Variants in PTPRM observed in about 807,000 individuals in gnomAD.
PTPRM encodes receptor-type tyrosine-protein phosphatase mu.
PTPRM carries 47 observed loss-of-function variants against 186.7 expected under a neutral mutation model. That is an observed-to-expected ratio of 0.25 (90% CI 0.20 to 0.32). PTPRM has a LOEUF of 0.32. Among genes scored for constraint, PTPRM ranks in the 10% least tolerant of loss-of-function variants. The pLI is 1.00. For synonymous variants in PTPRM, 668 were observed against 674.9 expected (o/e 0.99, Z 0.16); for missense variants, 1,494 against 1,865.0 (o/e 0.80, Z 3.66).
At position 8,140,634 on chromosome 18, in the gene PTPRM, T is replaced by C. The variant is rs556718198; in HGVS notation, c.2168-3013T>C. On this transcript the variant is annotated intron_variant, in intron 13 of 32. Transcript: ENST00000580170. The stretch of plus-strand genomic sequence containing the variant: ...CTCTATGATTTTAGCAGTCTCTTAA[T>C]CTCCCTGTAATATTTAGCTTATTCA... Among the ~76,000 whole-genome samples the C allele has an allele frequency of 2.6e-4, 39 of 152,128 alleles. No individual in the cohort carries two copies. The South Asian group carries it at 4.8e-3, about 19-fold the overall frequency.
intron 4 of PTPRM, among the ~76,000 whole-genome samples, chr18:7,923,021 G>T (rs961658029): frequency 6.6e-6 from 1 of 152,080 alleles, no homozygotes; most frequent in South Asian, 2.1e-4. Flanking sequence ...TGCTTTCTGG[G>T]TGCCAATAGC....
At chr18:8,394,353 C>T in intron 31 of PTPRM, 123 bp from the exon 32 acceptor site, 1 of 1,116,558 alleles carries the variant, frequency 9.0e-7, no homozygotes, top group Non-Finnish European at 1.2e-6. Context: ...TAAGAGGTCC[C>T]CCGGCCTCAG....
intron 14 of PTPRM, among the ~76,000 whole-genome samples, chr18:8,190,840 A>G (rs1244528808): frequency 6.6e-6 from 1 of 152,230 alleles, no homozygotes; most frequent in Non-Finnish European, 1.5e-5. Context: ...TGTCATGGCC[A>G]ATTTTTTTCC....
chr18:7,571,291 G>T (rs1386238450), intron 1 of PTPRM, among the ~76,000 whole-genome samples: 1 of 152,130 alleles, frequency 6.6e-6, no homozygotes, highest in African/African-American at 2.4e-5. Context: ...GCAAAATAAT[G>T]GAGGTTCACT....
At chr18:8,370,186 T>TA (rs1439258537) in intron 23 of PTPRM, among the ~76,000 whole-genome samples, 3 of 82,820 alleles carry the variant, frequency 3.6e-5, no homozygotes, top group African/African-American at 1.2e-4. Context: ...AAAACATTCT[T>TA]ACCAAAAAAA....
intron 14 of PTPRM, among the ~76,000 whole-genome samples, chr18:8,199,343 A>G (rs902273523): frequency 6.6e-6 from 1 of 152,152 alleles, no homozygotes; most frequent in Admixed American, 6.5e-5. Context: ...TGTGACGCAG[A>G]GCCTGCGCTC....
chr18:8,043,966 C>T (rs7234429), intron 7 of PTPRM, among the ~76,000 whole-genome samples: 1,614 of 152,232 alleles, frequency 0.011, 29 homozygotes, highest in African/African-American at 0.037. Context: ...TGGCAGAGAC[C>T]GGGCTTCTGC....
At chr18:8,330,723 A>C (rs1193874569) in intron 22 of PTPRM, among the ~76,000 whole-genome samples, 2 of 151,164 alleles carry the variant, frequency 1.3e-5, no homozygotes, top group East Asian at 3.9e-4. Flanking sequence ...GCAAGTACCC[A>C]AGCTCAGTTT....
intron 14 of PTPRM, among the ~76,000 whole-genome samples, chr18:8,220,275 T>C (rs1245703537): frequency 6.6e-6 from 1 of 152,236 alleles, no homozygotes; most frequent in East Asian, 1.9e-4. Context: ...GTATTTTTAG[T>C]GCTTCTGAAT....
In PTPRM at chr18:8,033,301, G is replaced by A. The variant is rs555195598; in HGVS notation, c.1133-36385G>A. Among the ~76,000 whole-genome samples, 129 of 151,536 alleles carry A rather than the reference G, an allele frequency of 8.5e-4. 1 individual carries two copies. Among genetic ancestry groups the A allele is most frequent in the Non-Finnish European group, 4.4e-4 (30 of 68,010 alleles). On this transcript the variant is annotated intron_variant, in intron 7 of 32. Coordinates refer to ENST00000580170, the MANE Select transcript of PTPRM (RefSeq NM_001105244.2). ...GTCAGTACCAGCTCTAAGCACAGAT[G>A]TAACTATACATATGTACTATACATA...
At chr18:8,089,379 A>G (rs2090597344) in intron 11 of PTPRM, among the ~76,000 whole-genome samples, 1 of 152,214 alleles carries the variant, frequency 6.6e-6, no homozygotes, top group Non-Finnish European at 1.5e-5. Context: ...GTTAATTACC[A>G]ACATCTAGGC....
chr18:7,752,485 G>A (rs111985334), intron 1 of PTPRM, among the ~76,000 whole-genome samples: 2,378 of 152,238 alleles, frequency 0.016, 61 homozygotes, highest in African/African-American at 0.054. Context: ...GTGCGATGGC[G>A]TGATCTCGGC....
At chr18:7,761,371 T>G (rs2041763170) in intron 1 of PTPRM, among the ~76,000 whole-genome samples, 1 of 152,212 alleles carries the variant, frequency 6.6e-6, no homozygotes, top group Non-Finnish European at 1.5e-5. Flanking sequence ...TTATTGACAT[T>G]CTTCTCATGT....
intron 1 of PTPRM, among the ~76,000 whole-genome samples, chr18:7,654,012 G>A (rs191135925): frequency 2.0e-5 from 3 of 152,148 alleles, no homozygotes; most frequent in East Asian, 1.9e-4. Flanking sequence ...TAGTCATTCC[G>A]ACTGGTGTGA....
At position 8,329,579 on chromosome 18, in the gene PTPRM, A is replaced by T. The variant is rs565214200; in HGVS notation, c.2956+10365A>T. Among the ~76,000 whole-genome samples the T allele has an allele frequency of 1.1e-4, 16 of 152,308 alleles. No homozygotes were observed. The East Asian group carries it at 3.1e-3, about 29-fold the overall frequency. On this transcript the variant is annotated intron_variant, in intron 22 of 32. Coordinates refer to ENST00000580170, the MANE Select transcript of PTPRM (RefSeq NM_001105244.2). Reference sequence around the variant, plus strand: ...GCTTCCCCGTGCCTCTGGCAACATGAGTCCTTGCAAAGCAAAGCTACTCCT... The same window carrying T: ...GCTTCCCCGTGCCTCTGGCAACATGTGTCCTTGCAAAGCAAAGCTACTCCT...
At chr18:7,881,449 G>A (rs187293624) in intron 2 of PTPRM, among the ~76,000 whole-genome samples, 17 of 152,268 alleles carry the variant, frequency 1.1e-4, no homozygotes, top group East Asian at 3.9e-4. Flanking sequence ...GTAGGGCAGC[G>A]GGGGAAGTAC....
intron 2 of PTPRM, among the ~76,000 whole-genome samples, chr18:7,843,920 G>T (rs2046467836): frequency 6.6e-6 from 1 of 152,190 alleles, no homozygotes; most frequent in Non-Finnish European, 1.5e-5. Flanking sequence ...TGACTGTCAG[G>T]TGTGGACCAC....
At chr18:8,098,429 A>G (rs2091117431) in intron 11 of PTPRM, among the ~76,000 whole-genome samples, 1 of 152,134 alleles carries the variant, frequency 6.6e-6, no homozygotes. Context: ...AATAATTATC[A>G]CCTGAAACAT....
chr18:7,586,690 A>G (rs1434304053), intron 1 of PTPRM, among the ~76,000 whole-genome samples: 1 of 152,222 alleles, frequency 6.6e-6, no homozygotes, highest in Non-Finnish European at 1.5e-5. Flanking sequence ...AAACATTTAA[A>G]AACAGAATTT....
Sources: gnomAD v4.1 joint callset for allele counts (sites outside exome capture counted in the v4.1 genomes callset) on GRCh38, gnomAD v4.1.1 for gene constraint, MANE v1.5 for transcripts, NCBI Gene and HGNC (gene_info 2026-07-23, HGNC 2026-07-21) for gene names.